The following SND1 variants were observed in gnomAD, a reference collection of about 807,000 sequenced individuals.
SND1 encodes staphylococcal nuclease and tudor domain containing 1.
In SND1, 38 loss-of-function variants were observed where a neutral mutation model predicts 121.7. The ratio of observed to expected loss-of-function variants is 0.31; its 90% CI spans 0.24 to 0.41. SND1 has a LOEUF of 0.41. Ranked by LOEUF, SND1 falls within the 10% of genes least tolerant of loss-of-function variation. SND1 has a pLI of 1.00. For synonymous variants in SND1, 401 were observed against 447.4 expected, an observed-to-expected ratio of 0.90 and a Z score of 1.31; for missense variants, 868 against 1,184.6, an observed-to-expected ratio of 0.73 and a Z score of 3.92.
chr7:127,834,097 A>G (rs1429008837), intron 11 of SND1, among the ~76,000 whole-genome samples: 1 of 152,174 alleles, frequency 6.6e-6, no homozygotes, highest in African/African-American at 2.4e-5. Flanking sequence ...TACTTATCCA[A>G]CAATGGGTAT....
chr7:127,990,384 G>A (rs1222448489), intron 15 of SND1, among the ~76,000 whole-genome samples: 2 of 152,222 alleles, frequency 1.3e-5, no homozygotes, highest in East Asian at 1.9e-4. Context: ...CTCTCATTCT[G>A]AATGAAAAGC....
At chr7:127,700,339 G>A (rs1303116163) in intron 4 of SND1, among the ~76,000 whole-genome samples, 1 of 152,156 alleles carries the variant, frequency 6.6e-6, no homozygotes, top group East Asian at 1.9e-4. Context: ...GCCTTTTGGG[G>A]TAGGGAAGAG....
At chr7:128,012,364 C>T (rs1220670728) in intron 16 of SND1, among the ~76,000 whole-genome samples, 1 of 152,304 alleles carries the variant, frequency 6.6e-6, no homozygotes, top group East Asian at 1.9e-4. Context: ...CATCACTTGC[C>T]AGCACTGCAT....
chr7:127,705,870 C>T (rs1796183452), intron 8 of SND1, among the ~76,000 whole-genome samples: 1 of 152,196 alleles, frequency 6.6e-6, no homozygotes, highest in African/African-American at 2.4e-5. Flanking sequence ...GACAGATATA[C>T]AGCTAAGAGA....
Position 127,652,201 on chromosome 7 carries a change from G to C in SND1, c.-173G>C, listed in dbSNP as rs1026808860. On this transcript the variant is annotated 5_prime_UTR_variant, in exon 1 of 24. Coordinates refer to ENST00000354725, the MANE Select transcript of SND1 (RefSeq NM_014390.4). The stretch of plus-strand genomic sequence containing the variant: ...CGGCGGCGGAGATCGCGTCTCTTTC[G>C]CTCCGTGTCCCGCTGCTGCTCCTGT... 4 of 661,300 alleles carry C rather than the reference G, an allele frequency of 6.0e-6. No homozygotes were observed. Among genetic ancestry groups the C allele is most frequent in the African/African-American group, 5.4e-5 (3 of 55,404 alleles). 41.0% of individuals were successfully genotyped at this position (661,300 alleles called of 1,614,324 possible).
chr7:127,913,514 C>G (rs989474033), intron 14 of SND1, among the ~76,000 whole-genome samples: 3 of 152,194 alleles, frequency 2.0e-5, no homozygotes, highest in African/African-American at 7.2e-5. Context: ...ATAGATTTGG[C>G]TATAGCTGGT....
chr7:128,069,533 T>C (rs1793372453), intron 16 of SND1, among the ~76,000 whole-genome samples: 1 of 152,194 alleles, frequency 6.6e-6, no homozygotes, highest in Admixed American at 6.5e-5. Flanking sequence ...TGTGCTCAGC[T>C]CTGGAGAAAT....
At chr7:127,682,214 T>C (rs1272917021) in intron 1 of SND1, among the ~76,000 whole-genome samples, 1 of 152,202 alleles carries the variant, frequency 6.6e-6, no homozygotes, top group African/African-American at 2.4e-5. Flanking sequence ...TTTTAGTGGC[T>C]GCCCATACAG....
chr7:128,068,763 G>C (rs897854725), intron 16 of SND1, among the ~76,000 whole-genome samples: 1 of 152,216 alleles, frequency 6.6e-6, no homozygotes, highest in African/African-American at 2.4e-5. Context: ...CAGCTCGGCT[G>C]GGTGATCACT....
Position 127,990,946 on chromosome 7 carries a change from G to GGCATT in SND1, c.1671_1675dup (p.Glu559AlafsTer113). ...CAGATTCTACTTTTCTCCTGACACA[G>GGCATT]GCATTGAATGCCCCAGAGGAGCCCG... On this transcript the variant is annotated frameshift_variant and splice_region_variant. Transcript: ENST00000354725. LOFTEE classifies it high-confidence loss of function. The GGCATT allele has an allele frequency of 6.2e-7, 1 of 1,611,188 alleles. No homozygotes were observed. The highest frequency in any genetic ancestry group is 8.5e-7 in the Non-Finnish European group (1 of 1,177,894).
chr7:127,679,949 T>C (rs1335826357), intron 1 of SND1, among the ~76,000 whole-genome samples: 1 of 152,206 alleles, frequency 6.6e-6, no homozygotes, highest in East Asian at 1.9e-4. Context: ...CTTGGATATA[T>C]ACTATCGGGG....
In SND1 at chr7:128,068,262, C is replaced by G. The variant is rs1040801225; in HGVS notation, c.1780-6240C>G. On this transcript the variant is annotated intron_variant, in intron 16 of 23. Coordinates refer to ENST00000354725, the MANE Select transcript of SND1 (RefSeq NM_014390.4). ...CACATGCTCACTCTCTCCCTCCCCC[C>G]ACCCCAAACCCTTCTTTCTTTAGGA... Among the ~76,000 whole-genome samples, 8 of 143,818 alleles carry G rather than the reference C, an allele frequency of 5.6e-5. No homozygotes were observed. The South Asian group carries it at 1.4e-3, about 24-fold the overall frequency. 94.4% of individuals were successfully genotyped at this position (143,818 alleles called of 152,430 possible).
chr7:127,916,405 A>C (rs895860197), intron 14 of SND1, among the ~76,000 whole-genome samples: 2 of 152,196 alleles, frequency 1.3e-5, no homozygotes, highest in African/African-American at 4.8e-5. Flanking sequence ...ATGGCAGAGT[A>C]GATTTGCAAG....
At chr7:127,847,851 C>T (rs541075925) in intron 12 of SND1, among the ~76,000 whole-genome samples, 1 of 152,318 alleles carries the variant, frequency 6.6e-6, no homozygotes, top group South Asian at 2.1e-4. Context: ...ATTCTGTTTT[C>T]TCAATCTGGG....
chr7:127,848,459 G>T (rs1006778004), intron 12 of SND1, among the ~76,000 whole-genome samples: 1 of 152,214 alleles, frequency 6.6e-6, no homozygotes, highest in Non-Finnish European at 1.5e-5. Flanking sequence ...TGAGGACATA[G>T]AATGTGCAAG....
chr7:127,994,577 AAAAAAAAAC>A (rs1802597777), intron 16 of SND1, among the ~76,000 whole-genome samples: 1 of 141,312 alleles, frequency 7.1e-6, no homozygotes, highest in Admixed American at 7.5e-5. Context: ...AAAAAAAAAA[AAAAAAAAAC>A]AGTAAATTCA....
intron 14 of SND1, among the ~76,000 whole-genome samples, chr7:127,914,655 C>A (rs1287035152): frequency 6.6e-6 from 1 of 152,106 alleles, no homozygotes; most frequent in African/African-American, 2.4e-5. Context: ...AGAAAAGTGC[C>A]CCATCCTCCA....
At chr7:127,791,045 T>A (rs1274334265) in intron 10 of SND1, among the ~76,000 whole-genome samples, 3 of 152,210 alleles carry the variant, frequency 2.0e-5, no homozygotes, top group South Asian at 4.1e-4. Context: ...TGAACATTTT[T>A]ATATTAATGT....
chr7:127,771,347 A>G (rs186529301), intron 10 of SND1, among the ~76,000 whole-genome samples: 27 of 152,230 alleles, frequency 1.8e-4, no homozygotes, highest in Admixed American at 1.5e-3. Flanking sequence ...TGAATGGGTG[A>G]TGTTTGGCCA....
Sources: gnomAD v4.1 joint callset for allele counts (sites outside exome capture counted in the v4.1 genomes callset) on GRCh38, gnomAD v4.1.1 for gene constraint, MANE v1.5 for transcripts, NCBI Gene and HGNC (gene_info 2026-07-23, HGNC 2026-07-21) for gene names.